The following PDE4D variants were observed in gnomAD, a reference collection of about 807,000 sequenced individuals.
PDE4D encodes the protein 3',5'-cyclic-AMP phosphodiesterase 4D.
In PDE4D, 24 loss-of-function variants were observed where a neutral mutation model predicts 87.4. The ratio of observed to expected loss-of-function variants is 0.27; its 90% CI spans 0.20 to 0.39. The LOEUF is 0.39. Among genes scored for constraint, PDE4D ranks in the 10% least tolerant of loss-of-function variants. The probability of loss-of-function intolerance (pLI) is 1.00; values close to 1 mark genes in which losing one functional copy is unlikely to be tolerated. For missense variants in PDE4D, 714 were observed against 1,041.0 expected, an observed-to-expected ratio of 0.69 and a Z score of 4.32; for synonymous variants, 384 against 383.2, an observed-to-expected ratio of 1.00 and a Z score of -0.02.
At chr5:59,856,190 C>T (rs1025275010) in intron 1 of PDE4D, among the ~76,000 whole-genome samples, 4 of 152,050 alleles carry the variant, frequency 2.6e-5, no homozygotes, top group Admixed American at 1.3e-4. Flanking sequence ...TTTGCTATTG[C>T]CTTTATTTAT....
At chr5:59,336,323 T>A (rs1777647277) in intron 1 of PDE4D, among the ~76,000 whole-genome samples, 1 of 152,110 alleles carries the variant, frequency 6.6e-6, no homozygotes, top group Non-Finnish European at 1.5e-5. Flanking sequence ...GTAGAAAAAA[T>A]TTTGTACTTT....
intron 1 of PDE4D, among the ~76,000 whole-genome samples, chr5:59,337,333 C>CA (rs1293465591): frequency 1.4e-5 from 2 of 143,794 alleles, no homozygotes; most frequent in Non-Finnish European, 3.0e-5. Context: ...TCCCCCCCCC[C>CA]CACCTTTTTT....
chr5:59,888,444 G>A (rs159614), intron 1 of PDE4D, among the ~76,000 whole-genome samples: 19,289 of 152,194 alleles, frequency 0.13, 1,601 homozygotes, highest in Middle Eastern at 0.22. Context: ...TATTCTATTG[G>A]AGGCAAATCA....
At chr5:59,993,722 A>G (rs1391136847) in intron 2 of PDE4D, among the ~76,000 whole-genome samples, 1 of 152,080 alleles carries the variant, frequency 6.6e-6, no homozygotes, top group Non-Finnish European at 1.5e-5. Context: ...TTTCAATTTT[A>G]AAAGTATAAT....
chr5:60,249,083 G>T (rs937138387), intron 1 of PDE4D, among the ~76,000 whole-genome samples: 3 of 151,968 alleles, frequency 2.0e-5, no homozygotes, highest in East Asian at 1.9e-4. Flanking sequence ...ATGCAAAGTG[G>T]CTCCTCTGAA....
At chr5:60,168,600 T>C (rs983080530) in intron 2 of PDE4D, among the ~76,000 whole-genome samples, 1 of 152,206 alleles carries the variant, frequency 6.6e-6, no homozygotes, top group African/African-American at 2.4e-5. Context: ...CCACGGATGC[T>C]CATGTCCCTG....
chr5:60,396,629 C>A (rs150972610), intron 1 of PDE4D, among the ~76,000 whole-genome samples: 20 of 152,252 alleles, frequency 1.3e-4, no homozygotes, highest in African/African-American at 4.8e-4. Context: ...GATCCTGCCT[C>A]AAGGGAGCCT....
At chr5:60,439,598 C>G (rs1413275711) in intron 1 of PDE4D, among the ~76,000 whole-genome samples, 2 of 152,124 alleles carry the variant, frequency 1.3e-5, no homozygotes, top group Non-Finnish European at 2.9e-5. Flanking sequence ...ATGGCCACAA[C>G]ATCCATGTAG....
intron 1 of PDE4D, among the ~76,000 whole-genome samples, chr5:59,816,674 G>A (rs546213210): frequency 2.0e-5 from 3 of 152,094 alleles, no homozygotes; most frequent in South Asian, 2.1e-4. Flanking sequence ...CCTCACTACC[G>A]CTATGTACAC....
rs191990569 is a variant in PDE4D, at chr5:60,469,682, T to C, written c.-90+18260A>G. ...TTAAAATTTTTCATTGTTATTATAT[T>C]TGTTAGGGTGATATGTGATCAGTGA... On this transcript the variant is annotated intron_variant, in intron 1 of 16. Transcript: ENST00000502484. Among the ~76,000 whole-genome samples the C allele has an allele frequency of 1.2e-3, 189 of 152,300 alleles. 1 individual carries two copies. The highest frequency in any genetic ancestry group is 4.5e-3 in the African/African-American group (185 of 41,566).
intron 6 of PDE4D, chr5:58,999,919 C>A (rs1348945089): frequency 2.0e-6 from 2 of 985,842 alleles, no homozygotes; most frequent in Non-Finnish European, 2.4e-6. Context: ...TCAAAAGCTA[C>A]CAAATAAGGA....
Position 58,988,513 on chromosome 5 carries a change from T to A in PDE4D, c.1532A>T (p.Asn511Ile). 6.8e-7 allele frequency: 1 copy of A among 1,476,570 alleles called. No individual in the cohort carries two copies. The highest frequency in any genetic ancestry group is 9.1e-7 in the Non-Finnish European group (1 of 1,096,670). The allele number at this position is 1,476,570 out of a possible 1,614,324, so 91.5% of individuals were successfully genotyped here. The change falls in exon 11 of 15, where the codon AAT (asparagine) becomes ATT (isoleucine). Residue 511 changes from asparagine (N) to isoleucine (I), a missense_variant. Physicochemically the swap from Asn to Ile is moderately radical, Grantham distance 149 (BLOSUM62 -3). Coordinates refer to ENST00000340635, the MANE Select transcript of PDE4D (RefSeq NM_001104631.2). ...CTTACTTGTATTGATCAGAAATTGATTGGACACACCAGGATGATCTACATC... is the reference window on the plus strand; with the variant it reads ...CTTACTTGTATTGATCAGAAATTGAATGGACACACCAGGATGATCTACATC... ...IHDVDHPGVSNQFLINTNSEL... is the reference protein window; with the variant it reads ...IHDVDHPGVSIQFLINTNSEL...
At chr5:59,760,162 A>G (rs1761795604) in intron 1 of PDE4D, among the ~76,000 whole-genome samples, 1 of 152,206 alleles carries the variant, frequency 6.6e-6, no homozygotes, top group Non-Finnish European at 1.5e-5. Context: ...ACAGTTGCTG[A>G]AGAAATAATG....
intron 1 of PDE4D, chr5:59,796,910 C>T (rs1469866570): frequency 2.0e-5 from 3 of 152,038 alleles, no homozygotes. Context: ...TTTTCATGAA[C>T]TTGGAAATTT....
chr5:59,231,495 C>T (rs1056360602), intron 1 of PDE4D, among the ~76,000 whole-genome samples: 10 of 152,168 alleles, frequency 6.6e-5, no homozygotes, highest in African/African-American at 2.4e-4. Flanking sequence ...ATGGTAGAAA[C>T]AGAAGGTGGG....
At chr5:59,212,089 TTAAA>T (rs1198632252) in intron 2 of PDE4D, among the ~76,000 whole-genome samples, 15 of 152,064 alleles carry the variant, frequency 9.9e-5, no homozygotes, top group Non-Finnish European at 1.5e-4. Context: ...CATCAAGTAA[TTAAA>T]TATATAACAT....
At chr5:60,239,883 A>C (rs1430140876) in intron 1 of PDE4D, among the ~76,000 whole-genome samples, 1 of 152,100 alleles carries the variant, frequency 6.6e-6, no homozygotes. Flanking sequence ...ACTAATAACA[A>C]TTAGGTTTCT....
intron 2 of PDE4D, among the ~76,000 whole-genome samples, chr5:60,026,672 T>C (rs1187158476): frequency 6.6e-6 from 1 of 152,168 alleles, no homozygotes; most frequent in Non-Finnish European, 1.5e-5. Context: ...TCAGCTGTTT[T>C]CCCAGTTTTC....
chr5:59,790,116 C>T (rs1386728213), intron 1 of PDE4D, among the ~76,000 whole-genome samples: 3 of 152,046 alleles, frequency 2.0e-5, no homozygotes, highest in African/African-American at 2.4e-5. Flanking sequence ...TATCTGTAGA[C>T]GAGGAAACAG....
Sources: allele counts gnomAD v4.1 joint callset (sites outside exome capture counted in the v4.1 genomes callset), GRCh38; gene constraint gnomAD v4.1.1; transcripts MANE v1.5; gene names NCBI Gene and HGNC (gene_info 2026-07-23, HGNC 2026-07-21).